Variants in PVT1 observed in about 807,000 individuals in gnomAD.
PVT1 encodes Pvt1 oncogene.
intron 3 of PVT1, among the ~76,000 whole-genome samples, chr8:127,970,710 TA>T (rs1401056950): frequency 1.3e-5 from 2 of 151,978 alleles, no homozygotes; most frequent in African/African-American, 4.8e-5. Context: ...ACTTTAGGGT[TA>T]AATAAAGCTA....
chr8:127,860,265 G>A (rs767124972), intron 2 of PVT1, among the ~76,000 whole-genome samples: 6 of 152,298 alleles, frequency 3.9e-5, no homozygotes, highest in Non-Finnish European at 8.8e-5. Context: ...ACTGGGGTGC[G>A]GTGTGGGACC....
chr8:127,950,919 A>G (rs1816498503), intron 3 of PVT1, among the ~76,000 whole-genome samples: 1 of 152,172 alleles, frequency 6.6e-6, no homozygotes, highest in African/African-American at 2.4e-5. Flanking sequence ...TTTTTTCCAA[A>G]TGGAGTCCTG....
At chr8:127,834,439 A>C (rs940442199) in intron 2 of PVT1, among the ~76,000 whole-genome samples, 2 of 152,200 alleles carry the variant, frequency 1.3e-5, no homozygotes, top group Admixed American at 1.3e-4. Context: ...TTAAAGGCTT[A>C]AACATAAGAC....
At chr8:127,916,089 C>T (rs1815981573) in intron 3 of PVT1, among the ~76,000 whole-genome samples, 1 of 152,238 alleles carries the variant, frequency 6.6e-6, no homozygotes, top group African/African-American at 2.4e-5. Flanking sequence ...GTTTGAGTCA[C>T]AGTTCCACTA....
chr8:127,847,243 C>T (rs2129726589), intron 2 of PVT1, among the ~76,000 whole-genome samples: 1 of 105,604 alleles, frequency 9.5e-6, no homozygotes, highest in South Asian at 2.9e-4. Flanking sequence ...CCAAATGACA[C>T]TTTGATAAGT....
At chr8:127,963,535 T>C (rs775033159) in intron 3 of PVT1, among the ~76,000 whole-genome samples, 15 of 152,220 alleles carry the variant, frequency 9.9e-5, no homozygotes, top group Non-Finnish European at 1.9e-4. Context: ...CACTCTTAGA[T>C]ATTTTTAACT....
chr8:127,983,695 A>G (rs1206769624), intron 3 of PVT1, among the ~76,000 whole-genome samples: 2 of 152,158 alleles, frequency 1.3e-5, no homozygotes, highest in Admixed American at 1.3e-4. Flanking sequence ...TTACATAACG[A>G]CTGTATAATT....
chr8:127,990,950 T>G (rs1345946796), intron 4 of PVT1, among the ~76,000 whole-genome samples: 1 of 108,286 alleles, frequency 9.2e-6, no homozygotes, highest in Non-Finnish European at 2.3e-5. Context: ...TAAAGCATAC[T>G]GGGAGCTGAG....
chr8:127,889,448 A>ATTT (rs35522702), intron 2 of PVT1, among the ~76,000 whole-genome samples: 1 of 139,726 alleles, frequency 7.2e-6, no homozygotes, highest in Non-Finnish European at 1.6e-5. Flanking sequence ...TTTTCCTGTG[A>ATTT]TTTTTTTTTT....
chr8:128,085,210 A>G (rs1014055724), intron 5 of PVT1, among the ~76,000 whole-genome samples: 1 of 152,130 alleles, frequency 6.6e-6, no homozygotes, highest in Non-Finnish European at 1.5e-5. Context: ...TCCCAGCATC[A>G]GCCAGCAATC....
chr8:127,896,689 G>T (rs1384439118), intron 3 of PVT1, among the ~76,000 whole-genome samples: 3 of 151,670 alleles, frequency 2.0e-5, no homozygotes, highest in African/African-American at 7.3e-5. Context: ...TGGTAGACGT[G>T]TGCCATGTGA....
chr8:127,995,788 C>A (rs982629459), intron 4 of PVT1, among the ~76,000 whole-genome samples: 4 of 152,150 alleles, frequency 2.6e-5, no homozygotes, highest in Non-Finnish European at 5.9e-5. Flanking sequence ...TCACAACCTG[C>A]CAGGAAATGG....
At chr8:127,890,988 C>A (rs908697932) in exon 3 of PVT1, 11 of 152,588 alleles carry the variant, frequency 7.2e-5, no homozygotes, top group African/African-American at 2.7e-4. Flanking sequence ...CGGCGCTCAG[C>A]TGGGCTTGAG....
chr8:127,982,273 A>T (rs1451982632), intron 3 of PVT1, among the ~76,000 whole-genome samples: 1 of 152,218 alleles, frequency 6.6e-6, no homozygotes, highest in Admixed American at 6.5e-5. Context: ...TTTCAGAAAC[A>T]TAAGGACTGG....
chr8:127,827,788 G>A (rs901505984), intron 2 of PVT1, among the ~76,000 whole-genome samples: 3 of 152,056 alleles, frequency 2.0e-5, no homozygotes, highest in African/African-American at 7.2e-5. Flanking sequence ...CATCTTGCTG[G>A]GTGGCTTCAG....
At chr8:128,067,923 T>C (rs1813929414) in intron 4 of PVT1, among the ~76,000 whole-genome samples, 1 of 151,648 alleles carries the variant, frequency 6.6e-6, no homozygotes, top group African/African-American at 2.4e-5. Context: ...TCTGCTCTTA[T>C]TTTTCTATTC....
At chr8:127,841,041 C>A (rs767968391) in intron 2 of PVT1, among the ~76,000 whole-genome samples, 2 of 152,210 alleles carry the variant, frequency 1.3e-5, no homozygotes, top group African/African-American at 4.8e-5. Context: ...AAGCTTGCTC[C>A]GGGAATCGAT....
intron 2 of PVT1, among the ~76,000 whole-genome samples, chr8:127,849,559 G>T (rs376612966): frequency 6.6e-6 from 1 of 152,244 alleles, no homozygotes; most frequent in Non-Finnish European, 1.5e-5. Context: ...GAGGTAAAAA[G>T]AGGTGGAATA....
At chr8:128,021,325 G>A (rs1817432607) in intron 4 of PVT1, among the ~76,000 whole-genome samples, 2 of 111,246 alleles carry the variant, frequency 1.8e-5, no homozygotes, top group South Asian at 6.3e-4. Context: ...ACGGAGTCTA[G>A]CTCTGTTGCT....
Sources: gnomAD v4.1 joint callset for allele counts (sites outside exome capture counted in the v4.1 genomes callset) on GRCh38, gnomAD v4.1.1 for gene constraint, MANE v1.5 for transcripts, NCBI Gene and HGNC (gene_info 2026-07-23, HGNC 2026-07-21) for gene names.